Variants in MYO3A observed in about 807,000 individuals in gnomAD.
MYO3A encodes the protein myosin IIIA.
A neutral mutation model predicts 192.7 loss-of-function variants in MYO3A; 180 were observed. The observed-to-expected ratio is 0.93, with a 90% CI of 0.83 to 1.06. The LOEUF is 1.06. MYO3A is among the 50% of genes least tolerant of loss of function. The pLI is 0.00. For synonymous variants in MYO3A, 628 were observed against 645.3 expected, an observed-to-expected ratio of 0.97 and a Z score of 0.41; for missense variants, 1,896 against 1,905.0, an observed-to-expected ratio of 1.00 and a Z score of 0.09.
intron 34 of MYO3A, among the ~76,000 whole-genome samples, chr10:26,205,863 CCCT>C (rs1275869352): frequency 1.3e-5 from 2 of 151,996 alleles, no homozygotes; most frequent in African/African-American, 4.8e-5. Context: ...TTGTGATTTG[CCCT>C]CCTCGGCCTC....
intron 4 of MYO3A, among the ~76,000 whole-genome samples, chr10:25,976,673 TTTAA>T (rs1269483297): frequency 6.6e-6 from 1 of 152,194 alleles, no homozygotes; most frequent in African/African-American, 2.4e-5. Flanking sequence ...TGCTCTGTTA[TTTAA>T]TTAGTGTAGC....
chr10:26,049,841 A>G (rs1843882406), intron 10 of MYO3A, among the ~76,000 whole-genome samples: 1 of 151,564 alleles, frequency 6.6e-6, no homozygotes, highest in South Asian at 2.1e-4. Context: ...GCGCTCAGCT[A>G]ATTTTTATAT....
At chr10:26,203,211 A>G in intron 34 of MYO3A, 104 bp downstream of exon 34, 1 of 1,244,086 alleles carries the variant, frequency 8.0e-7, no homozygotes, top group Non-Finnish European at 1.1e-6. Flanking sequence ...AAGCACTCTT[A>G]CTGAATATTG....
chr10:25,961,054 A>G (rs1409900041), intron 4 of MYO3A, among the ~76,000 whole-genome samples: 1 of 152,198 alleles, frequency 6.6e-6, no homozygotes, highest in African/African-American at 2.4e-5. Context: ...GTGTTTGCAT[A>G]TTTGAGAAGT....
intron 17 of MYO3A, among the ~76,000 whole-genome samples, chr10:26,111,078 G>C (rs147179536): frequency 6.6e-6 from 1 of 152,062 alleles, no homozygotes; most frequent in African/African-American, 2.4e-5. Flanking sequence ...ATGTTGCCCA[G>C]GCTGGTCTGA....
At chr10:26,060,936 TA>T (rs1202274867) in intron 10 of MYO3A, among the ~76,000 whole-genome samples, 6 of 113,388 alleles carry the variant, frequency 5.3e-5, no homozygotes, top group African/African-American at 8.5e-5. Flanking sequence ...TATTTTATTT[TA>T]TTTTTTTTTG....
At chr10:26,002,817 C>T (rs1360498650) in intron 6 of MYO3A, among the ~76,000 whole-genome samples, 1 of 152,118 alleles carries the variant, frequency 6.6e-6, no homozygotes, top group Non-Finnish European at 1.5e-5. Flanking sequence ...GAATTCATAT[C>T]TAACAGCACC....
chr10:26,030,757 C>T (rs1842767275), intron 10 of MYO3A, among the ~76,000 whole-genome samples: 1 of 152,082 alleles, frequency 6.6e-6, no homozygotes, highest in South Asian at 2.1e-4. Context: ...ATTAAAGATT[C>T]AGCTTTAAAG....
intron 32 of MYO3A, among the ~76,000 whole-genome samples, chr10:26,197,539 G>A (rs906127972): frequency 3.3e-5 from 5 of 152,038 alleles, no homozygotes; most frequent in African/African-American, 9.7e-5. Context: ...ATTTTTCTCC[G>A]CTGCATTTTG....
At chr10:26,099,511 A>G (rs1418018868) in intron 17 of MYO3A, among the ~76,000 whole-genome samples, 1 of 152,156 alleles carries the variant, frequency 6.6e-6, no homozygotes, top group African/African-American at 2.4e-5. Context: ...GAATGCTTCC[A>G]GTTTCTGCCA....
At chr10:26,080,873 G>A (rs1313478974) in intron 14 of MYO3A, among the ~76,000 whole-genome samples, 1 of 152,100 alleles carries the variant, frequency 6.6e-6, no homozygotes, top group Non-Finnish European at 1.5e-5. Context: ...CTGCTGCTGG[G>A]GGTTGTCCAC....
intron 4 of MYO3A, among the ~76,000 whole-genome samples, chr10:25,957,093 A>G (rs544075005): frequency 2.0e-5 from 3 of 152,222 alleles, no homozygotes; most frequent in Non-Finnish European, 4.4e-5. Context: ...AGTATTTCAC[A>G]ATGTATATGT....
intron 26 of MYO3A, among the ~76,000 whole-genome samples, chr10:26,165,224 C>A (rs1841680764): frequency 6.6e-6 from 1 of 152,174 alleles, no homozygotes; most frequent in Non-Finnish European, 1.5e-5. Context: ...CTCTGCTCTG[C>A]ATGTCACCGT....
intron 18 of MYO3A, among the ~76,000 whole-genome samples, chr10:26,123,924 TAAAACAAA>T (rs1448535992): frequency 1.3e-5 from 2 of 150,878 alleles, no homozygotes; most frequent in African/African-American, 4.9e-5. Context: ...AGACTCCATC[TAAAACAAA>T]AAACAAAAAA....
chr10:26,126,471 T>C (rs568950825), intron 19 of MYO3A, among the ~76,000 whole-genome samples: 1 of 152,326 alleles, frequency 6.6e-6, no homozygotes, highest in African/African-American at 2.4e-5. Flanking sequence ...TCTAAGACCT[T>C]ATCCATTATT....
intron 6 of MYO3A, 53 bp from the exon 7 acceptor site, chr10:26,016,767 G>T: frequency 6.6e-7 from 1 of 1,520,380 alleles, no homozygotes; most frequent in South Asian, 1.1e-5. Flanking sequence ...GCAATTGAAA[G>T]CTCTTTATAT....
intron 4 of MYO3A, among the ~76,000 whole-genome samples, chr10:25,993,969 C>T (rs979170725): frequency 6.6e-6 from 1 of 152,142 alleles, no homozygotes; most frequent in African/African-American, 2.4e-5. Context: ...CGGTGTGGTT[C>T]TGAGAAGAAC....
At chr10:26,111,895 A>G (rs956912263) in intron 17 of MYO3A, among the ~76,000 whole-genome samples, 2 of 152,202 alleles carry the variant, frequency 1.3e-5, no homozygotes, top group Non-Finnish European at 2.9e-5. Context: ...GGGCCTCTTC[A>G]TAGCTCTTTT....
At position 25,952,149 on chromosome 10, in the gene MYO3A, C is replaced by A; in HGVS notation, c.39C>A (p.Asn13Lys). ...PLIGKTIIFD[N>K]FPDPSDTWEI... ...TTGGAAAAACAATCATCTTTGATAA[C>A]TTTCCTGATCCTTCTGATACATGGG... Residue 13 changes from asparagine to lysine, a missense_variant, in exon 3 of 35, where the codon AAC (asparagine) becomes AAA (lysine). Asn to Lys is a moderately conservative substitution (Grantham distance 94). Coordinates refer to ENST00000642920, the MANE Select transcript of MYO3A (RefSeq NM_017433.5). The A allele has an allele frequency of 6.2e-7, 1 of 1,612,218 alleles. No individual in the cohort carries two copies.
Sources: allele counts gnomAD v4.1 joint callset (sites outside exome capture counted in the v4.1 genomes callset), GRCh38; gene constraint gnomAD v4.1.1; transcripts MANE v1.5; gene names NCBI Gene and HGNC (gene_info 2026-07-23, HGNC 2026-07-21).